Variants in LHFPL3 observed in about 807,000 individuals in gnomAD.
The protein encoded by LHFPL3 is LHFPL tetraspan subfamily member 3 protein.
LHFPL3 carries 5 observed loss-of-function variants against 19.3 expected under a neutral mutation model. The observed-to-expected ratio is 0.26, with a 90% CI of 0.14 to 0.54. LHFPL3 has a LOEUF of 0.54. Ranked by LOEUF, LHFPL3 falls within the 20% of genes least tolerant of loss-of-function variation. LHFPL3 has a pLI of 0.94. For synonymous variants in LHFPL3, 133 were observed against 126.2 expected (o/e 1.05, Z -0.36); for missense variants, 249 against 307.4 (o/e 0.81, Z 1.42).
In LHFPL3 at chr7:104,871,281, A is replaced by G. The variant is rs551363073; in HGVS notation, c.683-34906A>G. Among the ~76,000 whole-genome samples, 12 of 152,342 alleles carry G rather than the reference A, an allele frequency of 7.9e-5. No homozygotes were observed. The South Asian group carries it at 8.3e-4, about 11-fold the overall frequency. The stretch of plus-strand genomic sequence containing the variant: ...CACTGTATGCAATTGTAACACAATG[A>G]TAAGTATTTGTGTATCTAAACATAG... On this transcript the variant is annotated intron_variant, in intron 2 of 2. Transcript: ENST00000424859.
At chr7:104,562,673 C>T (rs1790031944) in intron 1 of LHFPL3, among the ~76,000 whole-genome samples, 1 of 151,872 alleles carries the variant, frequency 6.6e-6, no homozygotes, top group African/African-American at 2.4e-5. Flanking sequence ...AAGCCTTCTT[C>T]TCTCAGCTCC....
At chr7:104,833,054 ATTATATATAATATATATAT>A (rs1562808152) in intron 2 of LHFPL3, among the ~76,000 whole-genome samples, 1 of 61,466 alleles carries the variant, frequency 1.6e-5, no homozygotes, top group African/African-American at 8.6e-5. Flanking sequence ...TTATATATAT[ATTATATATAATATATATAT>A]TATATATATC....
intron 2 of LHFPL3, chr7:104,895,318 G>C (rs1250474102): frequency 6.6e-6 from 1 of 152,226 alleles, no homozygotes; most frequent in Admixed American, 6.5e-5. Context: ...AAATCAATTG[G>C]GTGACCTTTC....
intron 1 of LHFPL3, among the ~76,000 whole-genome samples, chr7:104,534,479 A>G (rs1464888233): frequency 6.6e-6 from 1 of 152,264 alleles, no homozygotes; most frequent in Non-Finnish European, 1.5e-5. Context: ...CTTAGGATCC[A>G]TTACAGTGCT....
chr7:104,479,076 G>C (rs1584348177), intron 1 of LHFPL3, among the ~76,000 whole-genome samples: 1 of 152,146 alleles, frequency 6.6e-6, no homozygotes, highest in Admixed American at 6.5e-5. Flanking sequence ...ACTGAGGCTG[G>C]GGTGGCTGTT....
intron 1 of LHFPL3, among the ~76,000 whole-genome samples, chr7:104,383,811 G>T (rs1448291485): frequency 6.6e-6 from 1 of 152,114 alleles, no homozygotes; most frequent in African/African-American, 2.4e-5. Context: ...GAGTGAAGAA[G>T]GTCTTATGAA....
intron 1 of LHFPL3, among the ~76,000 whole-genome samples, chr7:104,608,480 A>G (rs1382422461): frequency 2.6e-5 from 3 of 115,506 alleles, no homozygotes; most frequent in African/African-American, 1.0e-4. Flanking sequence ...GGAACATCAC[A>G]CTCCGGGGAC....
intron 2 of LHFPL3, among the ~76,000 whole-genome samples, chr7:104,893,485 A>G (rs2430482): frequency 0.68 from 103,501 of 151,550 alleles, 36,175 homozygotes; most frequent in East Asian, 0.97. Flanking sequence ...TCACGCCACT[A>G]TACTCCAGCC....
At chr7:104,379,047 A>G (rs1481367112) in intron 1 of LHFPL3, among the ~76,000 whole-genome samples, 1 of 152,208 alleles carries the variant, frequency 6.6e-6, no homozygotes, top group East Asian at 1.9e-4. Context: ...AAATTCTGAA[A>G]TCGGGGACCC....
intron 1 of LHFPL3, among the ~76,000 whole-genome samples, chr7:104,665,308 G>C (rs1163363429): frequency 6.6e-6 from 1 of 152,164 alleles, no homozygotes; most frequent in African/African-American, 2.4e-5. Flanking sequence ...CTCAGCAACT[G>C]GGTCCGTCCA....
chr7:104,830,102 T>C (rs953795053), intron 2 of LHFPL3, among the ~76,000 whole-genome samples: 5 of 152,022 alleles, frequency 3.3e-5, no homozygotes, highest in African/African-American at 1.2e-4. Flanking sequence ...CATTTTTTCA[T>C]GTGTCTTTTG....
chr7:104,756,969 A>G (rs531212549), intron 2 of LHFPL3, among the ~76,000 whole-genome samples: 3 of 152,318 alleles, frequency 2.0e-5, no homozygotes, highest in East Asian at 3.9e-4. Context: ...TAAATGTAAC[A>G]TTGTTGTACC....
chr7:104,632,658 T>G (rs1045996924), intron 1 of LHFPL3, among the ~76,000 whole-genome samples: 18 of 152,196 alleles, frequency 1.2e-4, no homozygotes, highest in Admixed American at 1.1e-3. Context: ...TGACAAGAGT[T>G]TCTTTATTTG....
intron 2 of LHFPL3, among the ~76,000 whole-genome samples, chr7:104,893,098 T>C (rs972825204): frequency 1.3e-5 from 2 of 151,658 alleles, no homozygotes; most frequent in African/African-American, 4.8e-5. Flanking sequence ...CCTGTAGCCA[T>C]AGCTACTCGG....
At chr7:104,873,377 AAC>A (rs1317094677) in intron 2 of LHFPL3, among the ~76,000 whole-genome samples, 2 of 152,182 alleles carry the variant, frequency 1.3e-5, no homozygotes, top group East Asian at 3.8e-4. Context: ...TATTAAGACA[AAC>A]ACACAAAATA....
At chr7:104,464,119 A>G (rs1479340001) in intron 1 of LHFPL3, among the ~76,000 whole-genome samples, 2 of 152,230 alleles carry the variant, frequency 1.3e-5, no homozygotes, top group Non-Finnish European at 2.9e-5. Context: ...TGAAGGGGCT[A>G]CATGCCCCAT....
chr7:104,554,658 GATA>G (rs1367432008), intron 1 of LHFPL3, among the ~76,000 whole-genome samples: 8 of 150,290 alleles, frequency 5.3e-5, no homozygotes, highest in African/African-American at 2.0e-4. Context: ...TAGATAGATA[GATA>G]GATAGATAGA....
At chr7:104,508,475 G>A (rs1433976478) in intron 1 of LHFPL3, among the ~76,000 whole-genome samples, 1 of 102,822 alleles carries the variant, frequency 9.7e-6, no homozygotes, top group African/African-American at 3.9e-5. Context: ...GGGGGGAGGG[G>A]GGAGGGATAG....
chr7:104,817,065 C>T (rs774282456), intron 2 of LHFPL3, among the ~76,000 whole-genome samples: 18 of 152,216 alleles, frequency 1.2e-4, no homozygotes, highest in Non-Finnish European at 2.1e-4. Context: ...CCATCCCACA[C>T]ACCCTGGCCT....
Sources: allele counts gnomAD v4.1 joint callset (sites outside exome capture counted in the v4.1 genomes callset), GRCh38; gene constraint gnomAD v4.1.1; transcripts MANE v1.5; gene names NCBI Gene and HGNC (gene_info 2026-07-23, HGNC 2026-07-21).